The following GOLGA6L7 variants were observed in gnomAD, a reference collection of about 807,000 sequenced individuals.
GOLGA6L7 encodes the protein golgin subfamily A member 6-like protein 7.
GOLGA6L7 carries 29 observed loss-of-function variants against 68.9 expected under a neutral mutation model. The ratio of observed to expected loss-of-function variants is 0.42; its 90% CI spans 0.31 to 0.57. The LOEUF (loss-of-function observed/expected upper bound fraction) is 0.57. Among genes scored for constraint, GOLGA6L7 ranks in the 20% least tolerant of loss-of-function variants. GOLGA6L7 has a pLI of 0.13. For missense variants in GOLGA6L7, 396 were observed against 588.4 expected (o/e 0.67, Z 3.38); for synonymous variants, 133 against 197.4 (o/e 0.67, Z 2.73).
chr15:28,842,201 C>T lies in GOLGA6L7; in HGVS notation c.*34G>A. On this transcript the variant is annotated 3_prime_UTR_variant, in exon 9 of 9. Coordinates refer to ENST00000567390, the MANE Select transcript of GOLGA6L7 (RefSeq NM_001365371.2). ...CTGTATTCACAAGGTCACATGGCGG[C>T]TTACACTTCTGTAGGCCTTGTTGAC... 1 of 1,224,252 alleles carries T rather than the reference C, an allele frequency of 8.2e-7. No homozygotes were observed. The highest frequency in any genetic ancestry group is 3.1e-4 in the Middle Eastern group (1 of 3,232). 75.8% of individuals were successfully genotyped at this position (1,224,252 alleles called of 1,614,324 possible).
chr15:28,846,702 A>G (rs2030444747), intron 2 of GOLGA6L7: 1 of 344,890 alleles, frequency 2.9e-6, no homozygotes, highest in Non-Finnish European at 5.0e-6. Flanking sequence ...CTCTCAGAGC[A>G]AACAGAACCT....
Position 28,843,203 on chromosome 15 carries a change from T to C in GOLGA6L7, c.901A>G (p.Lys301Glu), listed in dbSNP as rs55909016. Reference protein sequence around the residue: ...QMRKQEEQMRKQEEQMRKQEE... With the variant: ...QMRKQEEQMREQEEQMRKQEE... ...TGCTTCCGCATCTGCTCCTCCTGCTTCCGCATCTGCTCCTCCTGCTTCCGC... is the reference window on the plus strand; with the variant it reads ...TGCTTCCGCATCTGCTCCTCCTGCTCCCGCATCTGCTCCTCCTGCTTCCGC... The change falls in exon 9 of 9, where the codon AAG becomes GAG. Residue 301 changes from lysine (K) to glutamate (E), a missense_variant. Lys to Glu is a moderately conservative substitution (Grantham distance 56). This residue lies in a region of GOLGA6L7 where 114 missense variants were observed against 186.0 expected (regional missense o/e 0.61). Coordinates refer to ENST00000567390, the MANE Select transcript of GOLGA6L7 (RefSeq NM_001365371.2). 5.5e-4 allele frequency: 236 copies of C among 429,756 alleles called. 4 individuals carry two copies. The highest frequency in any genetic ancestry group is 5.1e-3 in the African/African-American group (176 of 34,504). The allele number at this position is 429,756 out of a possible 1,614,324, so 26.6% of individuals were successfully genotyped here.
intron 8 of GOLGA6L7, 91 bp downstream of exon 8, chr15:28,843,643 C>T: frequency 1.8e-6 from 1 of 561,546 alleles, no homozygotes; most frequent in Non-Finnish European, 3.1e-6. Flanking sequence ...TTTTCCAGCT[C>T]TTGGCTGGAG....
At chr15:28,847,286 T>C in intron 1 of GOLGA6L7, 94 bp from the exon 2 acceptor site, 1 of 699,872 alleles carries the variant, frequency 1.4e-6, no homozygotes, top group Non-Finnish European at 2.3e-6. Flanking sequence ...ACGATCTGAC[T>C]TAATGCCACC....
At chr15:28,845,242 C>T (rs1166350022) in intron 6 of GOLGA6L7, 4 of 556,936 alleles carry the variant, frequency 7.2e-6, no homozygotes, top group East Asian at 3.4e-5. Flanking sequence ...TACAAGTACC[C>T]TCAACTCCGC....
chr15:28,845,870 A>G, intron 4 of GOLGA6L7, 30 bp downstream of exon 4: 3 of 1,131,432 alleles, frequency 2.7e-6, no homozygotes, highest in Non-Finnish European at 2.6e-6. Context: ...TCTCCAGAGG[A>G]CAGGAGGGAA....
At position 28,843,733 on chromosome 15, in the gene GOLGA6L7, C is replaced by A. The variant is rs2030304306; in HGVS notation, c.663+1G>T. On this transcript the variant is annotated splice_donor_variant, in intron 8 of 8. Coordinates refer to ENST00000567390, the MANE Select transcript of GOLGA6L7 (RefSeq NM_001365371.2). LOFTEE classifies it high-confidence loss of function. Reference sequence around the variant, plus strand: ...ACACCCCCGGGGCTGCCGCCGCTCACCTGTGGCAGCGGGATTTTGTCCGTC... The same window carrying A: ...ACACCCCCGGGGCTGCCGCCGCTCAACTGTGGCAGCGGGATTTTGTCCGTC... 7 of 658,174 alleles carry A rather than the reference C, an allele frequency of 1.1e-5. No individual in the cohort carries two copies. The South Asian group carries it at 1.2e-4, about 11-fold the overall frequency. 40.8% of individuals were successfully genotyped at this position (658,174 alleles called of 1,614,324 possible).
At chr15:28,843,657 C>T (rs1389594266) in intron 8 of GOLGA6L7, 77 bp downstream of exon 8, 6 of 586,938 alleles carry the variant, frequency 1.0e-5, no homozygotes, top group Admixed American at 3.0e-5. Context: ...GCTGGAGCCT[C>T]CCCACACCCT....
In GOLGA6L7 at chr15:28,848,622, A is replaced by G. The variant is rs1595359401; in HGVS notation, c.-73T>C. 1.8e-5 allele frequency: 13 copies of G among 735,678 alleles called. No individual in the cohort carries two copies. The East Asian group carries it at 3.2e-4, about 18-fold the overall frequency. The allele number at this position is 735,678 out of a possible 1,614,324, so 45.6% of individuals were successfully genotyped here. ...CGAGGACAGTGATATGCCTCCAGTC[A>G]CGTACCACACAGCTATGTGACTGAG... On this transcript the variant is annotated 5_prime_UTR_variant, in exon 1 of 9. Transcript: ENST00000567390.
At chr15:28,846,318 G>A in intron 2 of GOLGA6L7, 69 bp from the exon 3 acceptor site, 5 of 741,750 alleles carry the variant, frequency 6.7e-6, no homozygotes, top group Non-Finnish European at 9.8e-6. Flanking sequence ...CCAGGAAGCG[G>A]TAGGCAGGGG....
In GOLGA6L7 at chr15:28,842,228, G is replaced by A. The variant is rs536025116; in HGVS notation, c.*7C>T. ...TACACTTCTGTAGGCCTTGTTGACC[G>A]TTCTTTTTAGATACTGATGATCTTG... On this transcript the variant is annotated 3_prime_UTR_variant, in exon 9 of 9. Coordinates refer to ENST00000567390, the MANE Select transcript of GOLGA6L7 (RefSeq NM_001365371.2). 4.0e-5 allele frequency: 49 copies of A among 1,227,708 alleles called. No homozygotes were observed. Among genetic ancestry groups the A allele is most frequent in the Middle Eastern group, 3.0e-4 (1 of 3,290 alleles). The allele number at this position is 1,227,708 out of a possible 1,614,324, so 76.1% of individuals were successfully genotyped here.
Position 28,847,319 on chromosome 15 carries a change from G to A in GOLGA6L7, c.52-127C>T, listed in dbSNP as rs61324795. The A allele has an allele frequency of 3.5e-3, 1,925 of 542,798 alleles. 115 individuals carry two copies. The East Asian group carries it at 0.057, about 16-fold the overall frequency. 33.6% of individuals were successfully genotyped at this position (542,798 alleles called of 1,614,324 possible). On this transcript the variant is annotated intron_variant, in intron 1 of 8. Coordinates refer to ENST00000567390, the MANE Select transcript of GOLGA6L7 (RefSeq NM_001365371.2). Reference sequence around the variant, plus strand: ...ACCAACGACTGTACGAGGTGTTGTCGCAATCACTTAGTGACTGAGAGGGAT... The same window carrying A: ...ACCAACGACTGTACGAGGTGTTGTCACAATCACTTAGTGACTGAGAGGGAT...
chr15:28,842,621 G>A lies in GOLGA6L7; in HGVS notation c.1483C>T (p.Gln495Ter). The A allele has an allele frequency of 1.0e-5, 13 of 1,297,440 alleles. No homozygotes were observed. Among genetic ancestry groups the A allele is most frequent in the Non-Finnish European group, 1.3e-5 (13 of 1,028,746 alleles). The allele number at this position is 1,297,440 out of a possible 1,614,324, so 80.4% of individuals were successfully genotyped here. A position where few individuals can be genotyped will look rare whatever the true frequency, so the allele number is the denominator to read the frequency against. ...MGEQEEQMRKQVERLQFKEER... is the reference protein window; with the variant it reads ...MGEQEEQMRK ...TCCTTGAATTGCAGCCTCTCCACCT[G>A]CTTCCGCATCTGCTCCTCCTGCTCC... The change falls in exon 9 of 9, where the codon CAG becomes TAG. Residue 495 changes from glutamine (Q) to a stop codon, truncating the protein, a stop_gained. Transcript: ENST00000567390. LOFTEE classifies it high-confidence loss of function.
chr15:28,842,563 T>C lies in GOLGA6L7; in HGVS notation c.1541A>G (p.Gln514Arg), dbSNP rs533331776. The C allele has an allele frequency of 6.8e-5, 85 of 1,256,186 alleles. No homozygotes were observed. The African/African-American group carries it at 1.2e-3, about 18-fold the overall frequency. The allele number at this position is 1,256,186 out of a possible 1,614,324, so 77.8% of individuals were successfully genotyped here. Residue 514 changes from glutamine to arginine, a missense_variant, in exon 9 of 9, where the codon CAG (glutamine) becomes CGG (arginine). Coordinates refer to ENST00000567390, the MANE Select transcript of GOLGA6L7 (RefSeq NM_001365371.2). The stretch of plus-strand genomic sequence containing the variant: ...CCTCCGGATCTTCTCCTCCTCCTCC[T>C]GCATCTTCTCATACTCATCCCACAG... ...ERLWDEYEKM[Q>R]EEEEKIRRQV... is the part of the protein sequence containing the mutation.
At chr15:28,846,044 G>C in intron 3 of GOLGA6L7, 94 bp from the exon 4 acceptor site, 2 of 867,686 alleles carry the variant, frequency 2.3e-6, no homozygotes. Flanking sequence ...CACTGTCCCA[G>C]GACAGGCCCA....
rs756541667 is a variant in GOLGA6L7, at chr15:28,845,590, A to T, written c.401T>A (p.Phe134Tyr). The change falls in exon 6 of 9, where the codon TTT (phenylalanine) becomes TAT (tyrosine). Residue 134 changes from phenylalanine (F) to tyrosine (Y), a missense_variant. Physicochemically the swap from Phe to Tyr is conservative, Grantham distance 22. Transcript: ENST00000567390. ...GAGAGCCCGCTGTAACTCTCCTGCAAAGTGCCAGGAATGATGCAGGCGGGC... is the reference window on the plus strand; with the variant it reads ...GAGAGCCCGCTGTAACTCTCCTGCATAGTGCCAGGAATGATGCAGGCGGGC... ...LAARLHHSWH[F>Y]AGELQRALSA... The T allele has an allele frequency of 3.8e-6, 3 of 785,366 alleles. No individual in the cohort carries two copies. The South Asian group carries it at 4.3e-5, about 11-fold the overall frequency. 48.6% of individuals were successfully genotyped at this position (785,366 alleles called of 1,614,324 possible).
At chr15:28,844,534 G>A (rs1360562177) in intron 6 of GOLGA6L7, among the ~76,000 whole-genome samples, 4 of 149,132 alleles carry the variant, frequency 2.7e-5, no homozygotes, top group African/African-American at 1.0e-4. Context: ...GGCTTCAAGC[G>A]ATTCTTCTGC....
At chr15:28,846,579 G>A (rs1284084969) in intron 2 of GOLGA6L7, among the ~76,000 whole-genome samples, 86 of 151,606 alleles carry the variant, frequency 5.7e-4, no homozygotes, top group Non-Finnish European at 8.0e-4. Context: ...CAAGCATTGA[G>A]CAAGCACATA....
At chr15:28,848,412 G>A (rs1333853433) in intron 1 of GOLGA6L7, 87 bp downstream of exon 1, 2 of 684,432 alleles carry the variant, frequency 2.9e-6, no homozygotes, top group African/African-American at 1.8e-5. Flanking sequence ...TGCCTCTGGA[G>A]TGACACGGAT....
Sources: allele counts gnomAD v4.1 joint callset (sites outside exome capture counted in the v4.1 genomes callset), GRCh38; gene constraint gnomAD v4.1.1; regional missense constraint gnomAD v4.1.1; transcripts MANE v1.5; gene names NCBI Gene and HGNC (gene_info 2026-07-23, HGNC 2026-07-21).